Variants in ALK observed in about 807,000 individuals in gnomAD.
The protein encoded by ALK is ALK receptor tyrosine kinase.
A neutral mutation model predicts 163.1 loss-of-function variants in ALK; 74 were observed. The observed-to-expected ratio is 0.45, with a 90% confidence interval of 0.38 to 0.55. The LOEUF (loss-of-function observed/expected upper bound fraction) is 0.55, where lower values mean the gene tolerates loss of function less well. Ranked by LOEUF, ALK falls within the 20% of genes least tolerant of loss-of-function variation. The pLI, the probability that ALK is intolerant of heterozygous loss-of-function variation, is 0.00. For synonymous variants in ALK, 960 were observed against 843.2 expected, an observed-to-expected ratio of 1.14 and a Z score of -2.40; for missense variants, 2,063 against 2,105.3, an observed-to-expected ratio of 0.98 and a Z score of 0.39.
At chr2:29,850,498 T>A (rs973030815) in intron 1 of ALK, among the ~76,000 whole-genome samples, 2 of 152,196 alleles carry the variant, frequency 1.3e-5, no homozygotes, top group African/African-American at 4.8e-5. Context: ...AGCCAGCAAC[T>A]CTCAGGGATG....
intron 1 of ALK, among the ~76,000 whole-genome samples, chr2:29,730,373 C>A (rs1322794845): frequency 1.3e-5 from 2 of 152,084 alleles, no homozygotes; most frequent in African/African-American, 4.8e-5. Flanking sequence ...GTGCTTGAAC[C>A]TAAATAGGAG....
chr2:29,401,444 C>T (rs1021734696), intron 4 of ALK, among the ~76,000 whole-genome samples: 6 of 152,180 alleles, frequency 3.9e-5, no homozygotes, highest in African/African-American at 1.4e-4. Context: ...AGCAATTTCC[C>T]ATGGAAGGAT....
intron 3 of ALK, among the ~76,000 whole-genome samples, chr2:29,679,272 G>C (rs932365486): frequency 6.6e-6 from 1 of 151,676 alleles, no homozygotes; most frequent in Non-Finnish European, 1.5e-5. Flanking sequence ...CCCTCTTCTA[G>C]AAAACATACA....
intron 1 of ALK, among the ~76,000 whole-genome samples, chr2:29,846,150 T>C (rs527504460): frequency 1.4e-4 from 21 of 152,326 alleles, no homozygotes; most frequent in African/African-American, 4.6e-4. Context: ...TCACCTGGAA[T>C]TGGCCTCTCC....
At chr2:29,596,244 C>T (rs1356110059) in intron 3 of ALK, among the ~76,000 whole-genome samples, 1 of 152,204 alleles carries the variant, frequency 6.6e-6, no homozygotes, top group Non-Finnish European at 1.5e-5. Context: ...TTTTTAGGTC[C>T]TGCACACTTC....
chr2:29,231,044 C>T (rs1306561013), intron 15 of ALK, among the ~76,000 whole-genome samples: 9 of 152,060 alleles, frequency 5.9e-5, no homozygotes, highest in Admixed American at 2.0e-4. Context: ...TTTAAAAATA[C>T]GAATTGAGTC....
At chr2:29,494,124 C>CA (rs1671967599) in intron 4 of ALK, among the ~76,000 whole-genome samples, 1 of 152,142 alleles carries the variant, frequency 6.6e-6, no homozygotes, top group Non-Finnish European at 1.5e-5. Flanking sequence ...GGCTTAGATC[C>CA]ACCAATGTGA....
intron 3 of ALK, among the ~76,000 whole-genome samples, chr2:29,614,064 C>G (rs1675771251): frequency 6.6e-6 from 1 of 152,212 alleles, no homozygotes; most frequent in African/African-American, 2.4e-5. Flanking sequence ...GGCATCAGGA[C>G]TCAGAGAAAG....
chr2:29,827,506 A>G (rs1400588597), intron 1 of ALK, among the ~76,000 whole-genome samples: 1 of 152,160 alleles, frequency 6.6e-6, no homozygotes, highest in Non-Finnish European at 1.5e-5. Context: ...TCTGATTAGT[A>G]TTTATCCTAC....
intron 4 of ALK, among the ~76,000 whole-genome samples, chr2:29,483,335 C>T (rs866092028): frequency 6.6e-6 from 1 of 152,224 alleles, no homozygotes; most frequent in Non-Finnish European, 1.5e-5. Context: ...GGGGATAGGA[C>T]ACAGGCATCA....
At chr2:29,508,109 C>T (rs185831045) in intron 4 of ALK, among the ~76,000 whole-genome samples, 1 of 152,186 alleles carries the variant, frequency 6.6e-6, no homozygotes, top group Non-Finnish European at 1.5e-5. Context: ...AAACTGCCAC[C>T]CTACAGGGTC....
intron 4 of ALK, among the ~76,000 whole-genome samples, chr2:29,470,756 A>T (rs1452293120): frequency 6.6e-6 from 1 of 151,996 alleles, no homozygotes; most frequent in African/African-American, 2.4e-5. Flanking sequence ...GCAAGAGGAA[A>T]TTTTTCCCAA....
At chr2:29,771,003 G>C (rs1313208423) in intron 1 of ALK, among the ~76,000 whole-genome samples, 1 of 131,576 alleles carries the variant, frequency 7.6e-6, no homozygotes, top group Non-Finnish European at 1.5e-5. Context: ...ACACACACAT[G>C]CACACATACA....
intron 4 of ALK, among the ~76,000 whole-genome samples, chr2:29,430,434 A>G (rs1171771018): frequency 6.6e-6 from 1 of 152,214 alleles, no homozygotes; most frequent in Non-Finnish European, 1.5e-5. Context: ...CCACATAGTC[A>G]ATGTTTTAGG....
chr2:29,405,084 A>C (rs1014309448), intron 4 of ALK, among the ~76,000 whole-genome samples: 1 of 152,232 alleles, frequency 6.6e-6, no homozygotes, highest in African/African-American at 2.4e-5. Context: ...TTTCAAAATA[A>C]GATTCTTTTT....
intron 14 of ALK, among the ~76,000 whole-genome samples, 158 bp from the exon 15 acceptor site, chr2:29,232,606 G>A (rs1424583096): frequency 6.6e-6 from 1 of 152,222 alleles, no homozygotes; most frequent in African/African-American, 2.4e-5. Context: ...CTGAACCCTT[G>A]TTACAATAGC....
chr2:29,358,225 G>A (rs1668299115), intron 5 of ALK, among the ~76,000 whole-genome samples: 1 of 152,138 alleles, frequency 6.6e-6, no homozygotes, highest in African/African-American at 2.4e-5. Flanking sequence ...AACCAAGACA[G>A]GCCTTCCACT....
intron 1 of ALK, among the ~76,000 whole-genome samples, chr2:29,766,772 C>T (rs1051800488): frequency 1.1e-4 from 16 of 152,118 alleles, no homozygotes; most frequent in African/African-American, 3.4e-4. Flanking sequence ...TTCCACCTGC[C>T]ATCCTCTGCA....
At chr2:29,450,506 A>T (rs1282622665) in intron 4 of ALK, among the ~76,000 whole-genome samples, 1 of 152,162 alleles carries the variant, frequency 6.6e-6, no homozygotes, top group East Asian at 1.9e-4. Context: ...GGCAAAGAAA[A>T]ACAAACGCCA....
Sources: allele counts gnomAD v4.1 joint callset (sites outside exome capture counted in the v4.1 genomes callset), GRCh38; gene constraint gnomAD v4.1.1; transcripts MANE v1.5; gene names NCBI Gene and HGNC (gene_info 2026-07-23, HGNC 2026-07-21).